Variants in EPHA3 observed in about 807,000 individuals in gnomAD.
The protein encoded by EPHA3 is ephrin type-A receptor 3.
In EPHA3, 42 loss-of-function variants were observed where a neutral mutation model predicts 107.1. The ratio of observed to expected loss-of-function variants is 0.39; its 90% CI spans 0.31 to 0.51. The LOEUF is 0.51. Among genes scored for constraint, EPHA3 ranks in the 20% least tolerant of loss-of-function variants. The pLI is 0.78. For missense variants in EPHA3, 1,183 were observed against 1,211.2 expected (o/e 0.98, Z 0.35); for synonymous variants, 461 against 424.8 (o/e 1.09, Z -1.05).
At chr3:89,266,841 C>A (rs1005083410) in intron 3 of EPHA3, among the ~76,000 whole-genome samples, 1 of 151,850 alleles carries the variant, frequency 6.6e-6, no homozygotes, top group African/African-American at 2.4e-5. Context: ...TGATCACATA[C>A]CAAATACAAA....
intron 16 of EPHA3, among the ~76,000 whole-genome samples, chr3:89,477,264 C>T (rs1710535145): frequency 6.6e-6 from 1 of 152,056 alleles, no homozygotes; most frequent in African/African-American, 2.4e-5. Flanking sequence ...CCCATACATC[C>T]CCACTAGCCT....
At chr3:89,420,929 G>A in intron 11 of EPHA3, among the ~76,000 whole-genome samples, 1 of 151,334 alleles carries the variant, frequency 6.6e-6, no homozygotes, top group East Asian at 1.9e-4. Context: ...CCACTACCCT[G>A]TGAATTAGAC....
Position 89,301,215 on chromosome 3 carries a change from C to G in EPHA3, c.815-39701C>G, listed in dbSNP as rs150507074. Among the ~76,000 whole-genome samples, 16 of 152,092 alleles carry G rather than the reference C, an allele frequency of 1.1e-4. No individual in the cohort carries two copies. The East Asian group carries it at 2.3e-3, about 22-fold the overall frequency. ...TCATAAAATGTCTCTCATGGCGATG[C>G]AGAAAAGAATTTTCAAAAATATTTT... On this transcript the variant is annotated intron_variant, in intron 3 of 16. Transcript: ENST00000336596.
At chr3:89,337,133 C>G (rs1707412101) in intron 3 of EPHA3, among the ~76,000 whole-genome samples, 1 of 151,972 alleles carries the variant, frequency 6.6e-6, no homozygotes, top group African/African-American at 2.4e-5. Flanking sequence ...GAGCATTAGC[C>G]TTTCTGTGAT....
intron 5 of EPHA3, among the ~76,000 whole-genome samples, chr3:89,389,213 G>A (rs1211955179): frequency 6.6e-6 from 1 of 152,022 alleles, no homozygotes; most frequent in East Asian, 1.9e-4. Flanking sequence ...AGAACATTAA[G>A]CAATGAATGA....
intron 3 of EPHA3, among the ~76,000 whole-genome samples, chr3:89,277,022 C>T (rs1011065241): frequency 1.3e-5 from 2 of 152,060 alleles, no homozygotes; most frequent in African/African-American, 4.8e-5. Flanking sequence ...CATTGCCTCT[C>T]CTTAATCCAC....
chr3:89,281,255 G>A (rs929976669), intron 3 of EPHA3, among the ~76,000 whole-genome samples: 5 of 152,198 alleles, frequency 3.3e-5, no homozygotes, highest in Non-Finnish European at 2.9e-5. Context: ...GAACTCCTGA[G>A]CTCAGGCAAA....
chr3:89,342,638 A>G (rs530706765), intron 5 of EPHA3, among the ~76,000 whole-genome samples: 45 of 152,274 alleles, frequency 3.0e-4, no homozygotes, highest in African/African-American at 8.9e-4. Flanking sequence ...TGGATTATAT[A>G]TTACATAGAA....
intron 3 of EPHA3, among the ~76,000 whole-genome samples, chr3:89,294,569 T>G (rs1706299553): frequency 6.6e-6 from 1 of 152,212 alleles, no homozygotes; most frequent in African/African-American, 2.4e-5. Context: ...ATTGCTATCC[T>G]TTCTCAAGCT....
intron 3 of EPHA3, among the ~76,000 whole-genome samples, chr3:89,236,654 C>A (rs140869980): frequency 2.0e-5 from 3 of 150,878 alleles, no homozygotes; most frequent in African/African-American, 7.3e-5. Flanking sequence ...GTGGGTGCAG[C>A]GCACCAGCAT....
At chr3:89,221,621 G>T (rs1704378105) in intron 3 of EPHA3, among the ~76,000 whole-genome samples, 1 of 152,076 alleles carries the variant, frequency 6.6e-6, no homozygotes, top group South Asian at 2.1e-4. Flanking sequence ...TTTATTGATT[G>T]CCTACTATGT....
chr3:89,320,330 C>T (rs999626124), intron 3 of EPHA3, among the ~76,000 whole-genome samples: 3 of 151,948 alleles, frequency 2.0e-5, no homozygotes, highest in Admixed American at 1.3e-4. Context: ...GTGTTCATCT[C>T]GTGCTATTCT....
chr3:89,177,310 T>A (rs1421467021), intron 2 of EPHA3, among the ~76,000 whole-genome samples: 1 of 152,170 alleles, frequency 6.6e-6, no homozygotes, highest in Non-Finnish European at 1.5e-5. Context: ...TGCCTTGGTG[T>A]GCACTGACAA....
chr3:89,386,503 C>A (rs1260894540), intron 5 of EPHA3, among the ~76,000 whole-genome samples: 1 of 152,178 alleles, frequency 6.6e-6, no homozygotes, highest in Non-Finnish European at 1.5e-5. Context: ...GGAACCTCCA[C>A]CTATATTTCA....
intron 3 of EPHA3, among the ~76,000 whole-genome samples, chr3:89,327,142 G>C (rs902060736): frequency 1.3e-5 from 2 of 152,010 alleles, no homozygotes; most frequent in Non-Finnish European, 2.9e-5. Context: ...AATAGGAGTG[G>C]AGTTTTAAAC....
At chr3:89,295,218 G>T (rs906416731) in intron 3 of EPHA3, among the ~76,000 whole-genome samples, 4 of 152,122 alleles carry the variant, frequency 2.6e-5, no homozygotes, top group Admixed American at 2.0e-4. Flanking sequence ...TGCAATAGTG[G>T]TATGTCTAAA....
intron 13 of EPHA3, among the ~76,000 whole-genome samples, chr3:89,433,758 A>G (rs1709615087): frequency 6.6e-6 from 1 of 152,212 alleles, no homozygotes; most frequent in Non-Finnish European, 1.5e-5. Context: ...TAAATTTACA[A>G]GTGACTACAA....
At chr3:89,408,271 T>A in intron 9 of EPHA3, 140 bp downstream of exon 9, 1 of 758,096 alleles carries the variant, frequency 1.3e-6, no homozygotes, top group East Asian at 2.6e-5. Flanking sequence ...TAAATTTATT[T>A]TAGAAAAAGA....
chr3:89,347,301 TG>T lies in EPHA3; in HGVS notation c.1306+5213del, dbSNP rs1297813077. 2.7e-5 allele frequency among the ~76,000 whole-genome samples: 4 copies of T among 146,332 alleles called. 1 individual carries two copies. Among genetic ancestry groups the T allele is most frequent in the African/African-American group, 5.0e-5 (2 of 39,904 alleles). On this transcript the variant is annotated intron_variant, in intron 5 of 16. Coordinates refer to ENST00000336596, the MANE Select transcript of EPHA3 (RefSeq NM_005233.6). ...TATCCTCTTTTATTTCTTTGAGCAG[TG>T]GTTTGTAGTTCTCCTTGAAGAGGTC...
Sources: gnomAD v4.1 joint callset for allele counts (sites outside exome capture counted in the v4.1 genomes callset) on GRCh38, gnomAD v4.1.1 for gene constraint, MANE v1.5 for transcripts, NCBI Gene and HGNC (gene_info 2026-07-23, HGNC 2026-07-21) for gene names.